Variants in PRDM16 observed in about 807,000 individuals in gnomAD.
PRDM16 encodes the protein histone-lysine N-methyltransferase PRDM16.
A neutral mutation model predicts 110.6 loss-of-function variants in PRDM16; 23 were observed. The ratio of observed to expected loss-of-function variants is 0.21; its 90% confidence interval spans 0.15 to 0.29. The LOEUF is 0.29. Among genes scored for constraint, PRDM16 ranks in the 10% least tolerant of loss-of-function variants. The pLI is 1.00. For synonymous variants in PRDM16, 799 were observed against 781.8 expected, an observed-to-expected ratio of 1.02 and a Z score of -0.37; for missense variants, 1,615 against 1,794.3, an observed-to-expected ratio of 0.90 and a Z score of 1.81.
At chr1:3,365,897 C>T (rs1411203731) in intron 3 of PRDM16, among the ~76,000 whole-genome samples, 1 of 152,094 alleles carries the variant, frequency 6.6e-6, no homozygotes, top group African/African-American at 2.4e-5. Flanking sequence ...CAGGGATGCA[C>T]GTGCACACAC....
intron 3 of PRDM16, among the ~76,000 whole-genome samples, chr1:3,280,757 T>A (rs1245461382): frequency 6.6e-6 from 1 of 152,130 alleles, no homozygotes; most frequent in East Asian, 1.9e-4. Flanking sequence ...CGTTCCTAGG[T>A]GAAGTGAGAA....
At chr1:3,087,021 T>G (rs1642166651) in intron 1 of PRDM16, among the ~76,000 whole-genome samples, 1 of 152,058 alleles carries the variant, frequency 6.6e-6, no homozygotes, top group Non-Finnish European at 1.5e-5. Context: ...GTGAGGGAAG[T>G]TCTCAGGCCA....
chr1:3,413,145 A>G (rs1435468046), intron 9 of PRDM16, among the ~76,000 whole-genome samples: 1 of 52,770 alleles, frequency 1.9e-5, no homozygotes, highest in Non-Finnish European at 4.3e-5. Context: ...ACCCCAACCC[A>G]CACCCTTCCC....
At chr1:3,118,112 TGC>T (rs1046904549) in intron 1 of PRDM16, among the ~76,000 whole-genome samples, 296 of 128,934 alleles carry the variant, frequency 2.3e-3, no homozygotes, top group African/African-American at 7.6e-3. Flanking sequence ...CATGTGTGTG[TGC>T]GTGTGCGTGT....
chr1:3,096,442 G>C lies in PRDM16; in HGVS notation c.37+27146G>C, dbSNP rs533660975. 4.1e-4 allele frequency among the ~76,000 whole-genome samples: 63 copies of C among 152,304 alleles called. 2 individuals carry two copies. In the Middle Eastern group the frequency reaches 0.031, roughly 74 times the overall value. ...TAGGGGAAGGAATGAGGTCATGGGA[G>C]GGGAGGCGACTGGGCCTGAATGCAG... On this transcript the variant is annotated intron_variant, in intron 1 of 16. Transcript: ENST00000270722.
rs543436515 is a variant in PRDM16, at chr1:3,406,590, T to A, written c.1186+942T>A. Among the ~76,000 whole-genome samples the A allele has an allele frequency of 2.0e-5, 3 of 150,482 alleles. No homozygotes were observed. In the East Asian group the frequency reaches 5.8e-4, roughly 29 times the overall value. On this transcript the variant is annotated intron_variant, in intron 8 of 16. Coordinates refer to ENST00000270722, the MANE Select transcript of PRDM16 (RefSeq NM_022114.4). ...ACCAAAAAAAAAAAAATTTTTTTTT[T>A]AATTAGCCAACCACGGTAGTGTGTG...
chr1:3,264,129 G>A (rs895277729), intron 3 of PRDM16, among the ~76,000 whole-genome samples: 7 of 152,202 alleles, frequency 4.6e-5, no homozygotes, highest in Admixed American at 3.3e-4. Context: ...TGGAAGAAGC[G>A]AATAAAAAGC....
intron 1 of PRDM16, among the ~76,000 whole-genome samples, chr1:3,181,855 C>T (rs946649941): frequency 7.9e-5 from 8 of 101,778 alleles, no homozygotes; most frequent in African/African-American, 2.3e-4. Context: ...CACGGTCTTA[C>T]ACACGCAGTC....
rs76155709 is a variant in PRDM16, at chr1:3,397,566, C to T, written c.676+973C>T. 6.5e-3 allele frequency among the ~76,000 whole-genome samples: 992 copies of T among 152,378 alleles called. 9 individuals carry two copies. The highest frequency in any genetic ancestry group is 0.023 in the African/African-American group (941 of 41,602). ...CTCCACGCCGGTCCCTCTGAGCAGA[C>T]GGCTCCAGGGTTCGAGCCTAACTGC... is the stretch of plus-strand genomic sequence containing the variant. On this transcript the variant is annotated intron_variant, in intron 5 of 16. Transcript: ENST00000270722.
Position 3,257,802 on chromosome 1 carries a change from C to G in PRDM16, c.438+13665C>G, listed in dbSNP as rs191317624. Among the ~76,000 whole-genome samples, 323 of 152,316 alleles carry G rather than the reference C, an allele frequency of 2.1e-3. 2 individuals are homozygous for G. Among genetic ancestry groups the G allele is most frequent in the Admixed American group, 6.1e-3 (94 of 15,298 alleles). On this transcript the variant is annotated intron_variant, in intron 3 of 16. Coordinates refer to ENST00000270722, the MANE Select transcript of PRDM16 (RefSeq NM_022114.4). ...AACCAACCACACATCGGAGCCCGCA[C>G]AGTCGGAGGGCTGATTCACTGTGAT...
At chr1:3,331,625 C>G (rs536806386) in intron 3 of PRDM16, among the ~76,000 whole-genome samples, 1 of 152,328 alleles carries the variant, frequency 6.6e-6, no homozygotes, top group South Asian at 2.1e-4. Flanking sequence ...TCCAAATCCT[C>G]TAATTTGCTG....
At position 3,425,944 on chromosome 1, in the gene PRDM16, C is replaced by G; in HGVS notation, c.3110-107C>G. On this transcript the variant is annotated intron_variant, in intron 13 of 16. Transcript: ENST00000270722. The surrounding 1 kb of genome is among the most constrained non-coding windows in gnomAD (Gnocchi z 6.9). Reference sequence around the variant, plus strand: ...GTGCTCTCCGGTGTCCCTAAGAAACCTGCCTCCCTAACAGCACCCCAGGTG... The same window carrying G: ...GTGCTCTCCGGTGTCCCTAAGAAACGTGCCTCCCTAACAGCACCCCAGGTG... 2 of 1,353,480 alleles carry G rather than the reference C, an allele frequency of 1.5e-6. No individual in the cohort carries two copies. Among genetic ancestry groups the G allele is most frequent in the South Asian group, 2.9e-5 (2 of 69,550 alleles). 83.8% of individuals were successfully genotyped at this position (1,353,480 alleles called of 1,614,324 possible). A position where few individuals can be genotyped will look rare whatever the true frequency, so the allele number is the denominator to read the frequency against.
At position 3,412,367 on chromosome 1, in the gene PRDM16, G is replaced by T; in HGVS notation, c.2170G>T (p.Ala724Ser). Residue 724 changes from alanine to serine, a missense_variant, in exon 9 of 17, where the codon GCG (alanine) becomes TCG (serine). This residue lies in a region of PRDM16 where 772 missense variants were observed against 748.3 expected (regional missense o/e 1.03). Transcript: ENST00000270722. ...GCTGGGCTCGCTCCCCTACCACTCGGCGTTCCCCTTCCAGTTCCTGCCCAA... is the reference window on the plus strand; with the variant it reads ...GCTGGGCTCGCTCCCCTACCACTCGTCGTTCCCCTTCCAGTTCCTGCCCAA... ...KKLGSLPYHSAFPFQFLPNFP... is the reference protein window; with the variant it reads ...KKLGSLPYHSSFPFQFLPNFP... 1 of 1,613,490 alleles carries T rather than the reference G, an allele frequency of 6.2e-7. No individual in the cohort carries two copies. The highest frequency in any genetic ancestry group is 8.5e-7 in the Non-Finnish European group (1 of 1,180,014).
In PRDM16 at chr1:3,290,562, G is replaced by A. The variant is rs886160465; in HGVS notation, c.438+46425G>A. Among the ~76,000 whole-genome samples, 3 of 152,304 alleles carry A rather than the reference G, an allele frequency of 2.0e-5. No individual in the cohort carries two copies. Among genetic ancestry groups the A allele is most frequent in the East Asian group, 1.9e-4 (1 of 5,178 alleles). ...GACAGAGGTGAATGCTTGGGACAGC[G>A]AGAGGTGGCATCACTGAAGAAGCCC... On this transcript the variant is annotated intron_variant, in intron 3 of 16. Coordinates refer to ENST00000270722, the MANE Select transcript of PRDM16 (RefSeq NM_022114.4). The surrounding 1 kb of genome is among the most constrained non-coding windows in gnomAD (Gnocchi z 4.8).
chr1:3,225,976 C>T (rs1371472206), intron 2 of PRDM16, among the ~76,000 whole-genome samples: 2 of 152,246 alleles, frequency 1.3e-5, no homozygotes, highest in Non-Finnish European at 2.9e-5. Context: ...CGTGCCTCAG[C>T]CCTTAGTGGT....
chr1:3,325,805 T>G (rs962277315), intron 3 of PRDM16, among the ~76,000 whole-genome samples: 1 of 152,156 alleles, frequency 6.6e-6, no homozygotes, highest in Non-Finnish European at 1.5e-5. Context: ...TTGGCCATCC[T>G]TGGTCCTCTT....
In PRDM16 at chr1:3,405,231, C is replaced by T. The variant is rs576272064; in HGVS notation, c.1033-264C>T. On this transcript the variant is annotated intron_variant, in intron 7 of 16. Coordinates refer to ENST00000270722, the MANE Select transcript of PRDM16 (RefSeq NM_022114.4). Reference sequence around the variant, plus strand: ...AGGGTCTCAGCACCACAGCTGAAAACGCTTTCTGCAGCCCTGTCTCACGCA... The same window carrying T: ...AGGGTCTCAGCACCACAGCTGAAAATGCTTTCTGCAGCCCTGTCTCACGCA... Among the ~76,000 whole-genome samples, 9 of 152,318 alleles carry T rather than the reference C, an allele frequency of 5.9e-5. No homozygotes were observed. The South Asian group carries it at 8.3e-4, about 14-fold the overall frequency.
Position 3,358,742 on chromosome 1 carries a change from C to A in PRDM16, c.439-26410C>A, listed in dbSNP as rs1240688970. 6.6e-6 allele frequency among the ~76,000 whole-genome samples: 1 copy of A among 152,188 alleles called. No individual in the cohort carries two copies. Among genetic ancestry groups the A allele is most frequent in the African/African-American group, 2.4e-5 (1 of 41,444 alleles). On this transcript the variant is annotated intron_variant, in intron 3 of 16. Coordinates refer to ENST00000270722, the MANE Select transcript of PRDM16 (RefSeq NM_022114.4). The surrounding 1 kb of genome is among the most constrained non-coding windows in gnomAD (Gnocchi z 4.0). ...CGCGATCAGAGCTGAGTAACCTGCT[C>A]CAAACCCAGGACACTGTGTGTGAGT...
At chr1:3,334,756 C>A (rs1019222164) in intron 3 of PRDM16, among the ~76,000 whole-genome samples, 6 of 152,244 alleles carry the variant, frequency 3.9e-5, no homozygotes, top group Non-Finnish European at 8.8e-5. Context: ...CATCAATCAT[C>A]ATCGCCAAGT....
Sources: allele counts gnomAD v4.1 joint callset (sites outside exome capture counted in the v4.1 genomes callset), GRCh38; gene constraint gnomAD v4.1.1; regional missense constraint gnomAD v4.1.1; non-coding constraint Gnocchi (gnomAD v3.1); transcripts MANE v1.5; gene names NCBI Gene and HGNC (gene_info 2026-07-23, HGNC 2026-07-21).